HNRNPUL1: variants seen among roughly 807,000 people sequenced by gnomAD.
The protein encoded by HNRNPUL1 is heterogeneous nuclear ribonucleoprotein U like 1, also known as heterogeneous nuclear ribonucleoprotein U-like protein 1.
In HNRNPUL1, 14 loss-of-function variants were observed where a neutral mutation model predicts 108.5. That is an observed-to-expected ratio of 0.13 (90% CI 0.09 to 0.20). The LOEUF (loss-of-function observed/expected upper bound fraction) is 0.20, where lower values mean the gene tolerates loss of function less well. HNRNPUL1 is among the 10% of genes least tolerant of loss of function. The pLI is 1.00. For synonymous variants in HNRNPUL1, 422 were observed against 445.2 expected (o/e 0.95, Z 0.66); for missense variants, 804 against 1,168.3 (o/e 0.69, Z 4.55).
At position 41,304,256 on chromosome 19, in the gene HNRNPUL1, C is replaced by T. The variant is rs2037414159; in HGVS notation, c.2257C>T (p.Pro753Ser). The T allele has an allele frequency of 6.2e-7, 1 of 1,604,466 alleles. No individual in the cohort carries two copies. The highest frequency in any genetic ancestry group is 8.5e-7 in the Non-Finnish European group (1 of 1,174,224). Reference protein sequence around the residue: ...STPTVSSYSPPQPSYSQPPYN... With the variant: ...STPTVSSYSPSQPSYSQPPYN... ...CCCCACCGTCAGCAGCTACAGCCCTCCACAGGTGAGAGAATGAGTGTGTGT... is the reference window on the plus strand; with the variant it reads ...CCCCACCGTCAGCAGCTACAGCCCTTCACAGGTGAGAGAATGAGTGTGTGT... The change falls in exon 13 of 15, where the codon CCA becomes TCA. Residue 753 changes from proline (P) to serine (S), a missense_variant. Pro to Ser is a moderately conservative substitution (Grantham distance 74, BLOSUM62 -1). Coordinates refer to ENST00000392006, the MANE Select transcript of HNRNPUL1 (RefSeq NM_007040.6).
At chr19:41,279,038 A>C in intron 5 of HNRNPUL1, 39 bp from the exon 6 acceptor site, 45 of 1,486,962 alleles carry the variant, frequency 3.0e-5, no homozygotes, top group Non-Finnish European at 3.8e-5. Context: ...TACGGCCTCC[A>C]GAGAAGCAAC....
chr19:41,282,915 C>T (rs1035403671), intron 7 of HNRNPUL1, among the ~76,000 whole-genome samples: 10 of 151,062 alleles, frequency 6.6e-5, no homozygotes, highest in Non-Finnish European at 1.2e-4. Flanking sequence ...GGGATGGTCT[C>T]GATCTCCTGA....
At chr19:41,272,357 A>G (rs1319647080) in intron 3 of HNRNPUL1, 122 bp downstream of exon 3, 7 of 1,020,318 alleles carry the variant, frequency 6.9e-6, no homozygotes, top group Admixed American at 2.3e-5. Context: ...CTGCTTTCAC[A>G]CTCTTCCTGT....
intron 1 of HNRNPUL1, among the ~76,000 whole-genome samples, chr19:41,267,048 C>G (rs1242694238): frequency 6.6e-6 from 1 of 152,202 alleles, no homozygotes; most frequent in Non-Finnish European, 1.5e-5. Context: ...AGCGTAGACT[C>G]TAGACTAAGA....
intron 1 of HNRNPUL1, 80 bp downstream of exon 1, chr19:41,264,878 C>T: frequency 7.4e-7 from 1 of 1,343,386 alleles, no homozygotes; most frequent in Non-Finnish European, 9.5e-7. Context: ...AGTCCAGCGC[C>T]TGAGGTCGGG....
At chr19:41,287,389 C>T (rs547169107) in intron 7 of HNRNPUL1, among the ~76,000 whole-genome samples, 17 of 152,198 alleles carry the variant, frequency 1.1e-4, no homozygotes, top group South Asian at 4.1e-4. Context: ...TTATCTACTG[C>T]GCATTCAAAT....
chr19:41,300,979 A>T (rs545907853), intron 10 of HNRNPUL1, among the ~76,000 whole-genome samples: 6 of 152,242 alleles, frequency 3.9e-5, no homozygotes, highest in Non-Finnish European at 5.9e-5. Flanking sequence ...GGTATTACAC[A>T]GCCATTAAAA....
chr19:41,296,812 G>A (rs769804917), intron 10 of HNRNPUL1, among the ~76,000 whole-genome samples: 1 of 152,192 alleles, frequency 6.6e-6, no homozygotes, highest in Admixed American at 6.5e-5. Context: ...TGCAGTTCCT[G>A]GATCTCAGCC....
At chr19:41,288,523 C>T (rs1021932900) in intron 7 of HNRNPUL1, among the ~76,000 whole-genome samples, 4 of 152,116 alleles carry the variant, frequency 2.6e-5, no homozygotes, top group Admixed American at 6.5e-5. Context: ...AGATTACAAG[C>T]GTGAGCCACC....
At chr19:41,273,091 C>T (rs183093929) in intron 3 of HNRNPUL1, among the ~76,000 whole-genome samples, 93 of 152,312 alleles carry the variant, frequency 6.1e-4, no homozygotes, top group Non-Finnish European at 9.3e-4. Flanking sequence ...GGGGTTCTTC[C>T]ACTGCCTCCC....
In HNRNPUL1 at chr19:41,292,692, G is replaced by A. The variant is rs767405423; in HGVS notation, c.1266+181G>A. ...CTCTGAGTGTGAGGTGAGGGGTGTTGGTGTGACCTAAGTTGAAGTCGGAGA... is the reference window on the plus strand; with the variant it reads ...CTCTGAGTGTGAGGTGAGGGGTGTTAGTGTGACCTAAGTTGAAGTCGGAGA... On this transcript the variant is annotated intron_variant, in intron 8 of 14. Coordinates refer to ENST00000392006, the MANE Select transcript of HNRNPUL1 (RefSeq NM_007040.6). The surrounding 1 kb of genome is among the most constrained non-coding windows in gnomAD (Gnocchi z 4.1). Among the ~76,000 whole-genome samples the A allele has an allele frequency of 8.5e-5, 13 of 152,110 alleles. No homozygotes were observed. Among genetic ancestry groups the A allele is most frequent in the Non-Finnish European group, 1.5e-4 (10 of 68,014 alleles).
At chr19:41,275,514 T>C (rs1001175102) in intron 4 of HNRNPUL1, among the ~76,000 whole-genome samples, 1 of 151,596 alleles carries the variant, frequency 6.6e-6, no homozygotes, top group Admixed American at 6.6e-5. Context: ...TTGAAACTGC[T>C]GAGGATATGG....
intron 2 of HNRNPUL1, 103 bp downstream of exon 2, chr19:41,268,448 T>C: frequency 8.0e-7 from 1 of 1,251,622 alleles, no homozygotes. Flanking sequence ...GTGCATCTTT[T>C]TTCTTGGGCA....
chr19:41,296,786 C>T (rs1203259374), intron 10 of HNRNPUL1, among the ~76,000 whole-genome samples: 3 of 152,224 alleles, frequency 2.0e-5, no homozygotes, highest in Admixed American at 6.5e-5. Flanking sequence ...GAAACCCATA[C>T]TACAGGCAAA....
At chr19:41,282,301 G>A (rs907593853) in intron 7 of HNRNPUL1, among the ~76,000 whole-genome samples, 2 of 152,124 alleles carry the variant, frequency 1.3e-5, no homozygotes, top group Non-Finnish European at 2.9e-5. Context: ...TCCTGCCTCA[G>A]CCCCCTGAGT....
intron 1 of HNRNPUL1, among the ~76,000 whole-genome samples, chr19:41,265,697 C>T (rs541889603): frequency 3.3e-5 from 5 of 151,756 alleles, no homozygotes; most frequent in Non-Finnish European, 7.4e-5. Context: ...GCTGACTGGT[C>T]TGGAGCTAAC....
chr19:41,296,239 A>G, intron 10 of HNRNPUL1, among the ~76,000 whole-genome samples: 1 of 152,178 alleles, frequency 6.6e-6, no homozygotes, highest in Non-Finnish European at 1.5e-5. Context: ...ATCTCTGTCC[A>G]GGATGCTGAA....
In HNRNPUL1 at chr19:41,265,069, A is replaced by G. The variant is rs77302589; in HGVS notation, c.295+271A>G. On this transcript the variant is annotated intron_variant, in intron 1 of 14. Coordinates refer to ENST00000392006, the MANE Select transcript of HNRNPUL1 (RefSeq NM_007040.6). ...GCGGGGAGGATTCCGTACCGTAGGG[A>G]TCGGAGACCGGAAACTGCTTTCTGG... 4.4e-3 allele frequency: 6,274 copies of G among 1,412,082 alleles called. 259 individuals carry two copies. In the African/African-American group the frequency reaches 0.081, roughly 18 times the overall value. The allele number at this position is 1,412,082 out of a possible 1,614,324, so 87.5% of individuals were successfully genotyped here.
intron 7 of HNRNPUL1, among the ~76,000 whole-genome samples, chr19:41,288,039 A>G (rs1441413488): frequency 6.6e-6 from 1 of 151,960 alleles, no homozygotes; most frequent in Non-Finnish European, 1.5e-5. Context: ...ATAGTTAATC[A>G]TTGTGAATTG....
Sources: gnomAD v4.1 joint callset for allele counts (sites outside exome capture counted in the v4.1 genomes callset) on GRCh38, gnomAD v4.1.1 for gene constraint, Gnocchi (gnomAD v3.1) non-coding constraint, MANE v1.5 for transcripts, NCBI Gene and HGNC (gene_info 2026-07-23, HGNC 2026-07-21) for gene names.